The following RIMBP2 variants were observed in gnomAD, a reference collection of about 807,000 sequenced individuals.
The protein encoded by RIMBP2 is RIMS-binding protein 2.
RIMBP2 carries 48 observed loss-of-function variants against 118.6 expected under a neutral mutation model. The ratio of observed to expected loss-of-function variants is 0.40; its 90% confidence interval spans 0.32 to 0.51. The LOEUF is 0.51. Among genes scored for constraint, RIMBP2 ranks in the 20% least tolerant of loss-of-function variants. The pLI, the probability that RIMBP2 is intolerant of heterozygous loss-of-function variation, is 0.41. For missense variants in RIMBP2, 1,551 were observed against 1,768.3 expected (o/e 0.88, Z 2.20); for synonymous variants, 762 against 742.9 (o/e 1.03, Z -0.42).
At chr12:130,685,604 G>T (rs940261155) in intron 1 of RIMBP2, among the ~76,000 whole-genome samples, 10 of 152,274 alleles carry the variant, frequency 6.6e-5, no homozygotes, top group African/African-American at 2.2e-4. Context: ...CAGGAAGGGA[G>T]CCGTGTGGCC....
In RIMBP2 at chr12:130,704,090, G is replaced by T. The variant is rs147101223; in HGVS notation, c.-352+12132C>A. Among the ~76,000 whole-genome samples, 422 of 152,266 alleles carry T rather than the reference G, an allele frequency of 2.8e-3. 1 individual carries two copies. Among genetic ancestry groups the T allele is most frequent in the African/African-American group, 9.6e-3 (398 of 41,552 alleles). Reference sequence around the variant, plus strand: ...AAACCTCAGTTTCATCTGGAAAGCAGCTGGGGAAGCACCCCATGGCCAGGT... The same window carrying T: ...AAACCTCAGTTTCATCTGGAAAGCATCTGGGGAAGCACCCCATGGCCAGGT... On this transcript the variant is annotated intron_variant, in intron 1 of 22. Coordinates refer to ENST00000690449, the MANE Select transcript of RIMBP2 (RefSeq NM_001393629.1).
intron 2 of RIMBP2, among the ~76,000 whole-genome samples, chr12:130,606,054 C>T (rs1289340290): frequency 6.7e-6 from 1 of 149,552 alleles, no homozygotes; most frequent in Non-Finnish European, 1.5e-5. Context: ...GGAGATAGAG[C>T]GAGACTGTCT....
intron 11 of RIMBP2, among the ~76,000 whole-genome samples, chr12:130,441,402 A>AATAATAATC (rs1555251133): frequency 1.6e-4 from 6 of 37,938 alleles, no homozygotes; most frequent in Middle Eastern, 0.011. Context: ...CTCCATCTCA[A>AATAATAATC]ATAATAATAA....
chr12:130,579,417 A>G lies in RIMBP2; in HGVS notation c.-217+48905T>C, dbSNP rs570677080. ...CCCTGGTAGATGACGTTTCACACCTATTGTCACAACTCGTTAGGCACGTCC... is the reference window on the plus strand; with the variant it reads ...CCCTGGTAGATGACGTTTCACACCTGTTGTCACAACTCGTTAGGCACGTCC... On this transcript the variant is annotated intron_variant, in intron 2 of 22. Transcript: ENST00000690449. 3.9e-4 allele frequency among the ~76,000 whole-genome samples: 59 copies of G among 152,128 alleles called. 4 individuals carry two copies. In the South Asian group the frequency reaches 5.6e-3, roughly 14 times the overall value.
intron 2 of RIMBP2, among the ~76,000 whole-genome samples, chr12:130,624,972 G>A (rs991661095): frequency 2.6e-5 from 4 of 152,164 alleles, no homozygotes; most frequent in South Asian, 2.1e-4. Context: ...ATCCGCCCAC[G>A]TCGGCCTCCC....
At chr12:130,412,540 T>C (rs944303929) in intron 19 of RIMBP2, 79 bp downstream of exon 19, 1 of 1,342,874 alleles carries the variant, frequency 7.4e-7, no homozygotes, top group Non-Finnish European at 1.0e-6. Flanking sequence ...GGTCTCCTCA[T>C]CACCGCCTGC....
chr12:130,469,639 G>A lies in RIMBP2; in HGVS notation c.153+1054C>T, dbSNP rs943759197. On this transcript the variant is annotated intron_variant, in intron 6 of 22. Coordinates refer to ENST00000690449, the MANE Select transcript of RIMBP2 (RefSeq NM_001393629.1). The surrounding 1 kb of genome is among the most constrained non-coding windows in gnomAD (Gnocchi z 4.8). ...TCAGAAAATCCATTTTAATATATAG[G>A]ATGATAATGATGAAACCTTTTCCTG... is the stretch of plus-strand genomic sequence containing the variant. Among the ~76,000 whole-genome samples, 2 of 152,094 alleles carry A rather than the reference G, an allele frequency of 1.3e-5. No homozygotes were observed. The highest frequency in any genetic ancestry group is 4.8e-5 in the African/African-American group (2 of 41,390).
At chr12:130,547,782 G>A (rs1041350456) in intron 2 of RIMBP2, among the ~76,000 whole-genome samples, 20 of 152,178 alleles carry the variant, frequency 1.3e-4, no homozygotes, top group Non-Finnish European at 2.5e-4. Flanking sequence ...AACTGCCTAC[G>A]CTCGTTCCCA....
intron 2 of RIMBP2, among the ~76,000 whole-genome samples, chr12:130,543,417 G>A (rs1361773827): frequency 2.0e-5 from 3 of 152,098 alleles, no homozygotes; most frequent in African/African-American, 7.2e-5. Context: ...AAGGAAATGG[G>A]AGTTGTCATT....
chr12:130,423,395 C>T (rs1455799725), intron 16 of RIMBP2, among the ~76,000 whole-genome samples: 1 of 152,184 alleles, frequency 6.6e-6, no homozygotes, highest in Non-Finnish European at 1.5e-5. Context: ...AAGCACACGG[C>T]CTCAGACCCA....
At chr12:130,414,432 T>A in intron 17 of RIMBP2, 126 bp from the exon 18 acceptor site, 1 of 912,558 alleles carries the variant, frequency 1.1e-6, no homozygotes, top group Non-Finnish European at 1.6e-6. Flanking sequence ...TTTTTGTGTC[T>A]TAACATGTAG....
rs1188460534 is a variant in RIMBP2 at position 130,434,463 on chromosome 12, C to T, written c.2253+271G>A. Among the ~76,000 whole-genome samples the T allele has an allele frequency of 1.3e-5, 2 of 152,178 alleles. No individual in the cohort carries two copies. On this transcript the variant is annotated intron_variant, in intron 14 of 22. Transcript: ENST00000690449. The surrounding 1 kb of genome is among the most constrained non-coding windows in gnomAD (Gnocchi z 5.7). ...CTAACCCTACCCGGACCTGCAAAAC[C>T]ACCCCTATGACCGAATACCAGGATG...
intron 4 of RIMBP2, among the ~76,000 whole-genome samples, chr12:130,502,069 T>C (rs952105544): frequency 3.9e-5 from 6 of 152,176 alleles, no homozygotes; most frequent in African/African-American, 1.4e-4. Context: ...GGCCCAACTG[T>C]ACCCTGGCCA....
At chr12:130,618,784 T>C (rs540792466) in intron 2 of RIMBP2, among the ~76,000 whole-genome samples, 1 of 152,274 alleles carries the variant, frequency 6.6e-6, no homozygotes, top group East Asian at 1.9e-4. Flanking sequence ...GCAATGTAAA[T>C]GGGAGACTGT....
intron 2 of RIMBP2, among the ~76,000 whole-genome samples, chr12:130,539,494 G>A (rs759874756): frequency 6.6e-5 from 10 of 152,240 alleles, no homozygotes; most frequent in African/African-American, 1.9e-4. Flanking sequence ...ACATGGTAAC[G>A]TGGAGCAAGC....
At chr12:130,416,669 G>A (rs2076117484) in intron 17 of RIMBP2, among the ~76,000 whole-genome samples, 1 of 152,252 alleles carries the variant, frequency 6.6e-6, no homozygotes, top group Non-Finnish European at 1.5e-5. Context: ...CCTTGGCAAA[G>A]AATTATGACT....
At chr12:130,421,689 A>ATGTGTGTGTGTGTGTGTGTGTG (rs1336875443) in intron 17 of RIMBP2, among the ~76,000 whole-genome samples, 14 of 106,954 alleles carry the variant, frequency 1.3e-4, no homozygotes, top group African/African-American at 1.6e-4. Flanking sequence ...CCCTGCATTT[A>ATGTGTGTGTGTGTGTGTGTGTG]TATGTGTGTG....
chr12:130,553,414 T>G (rs933148325), intron 2 of RIMBP2, among the ~76,000 whole-genome samples: 3 of 152,198 alleles, frequency 2.0e-5, no homozygotes, highest in African/African-American at 7.2e-5. Flanking sequence ...TATCATCCCT[T>G]ATATATCAAT....
At position 130,420,105 on chromosome 12, in the gene RIMBP2, A is replaced by G. The variant is rs2076322734; in HGVS notation, c.3238+2348T>C. Among the ~76,000 whole-genome samples the G allele has an allele frequency of 6.6e-6, 1 of 152,248 alleles. No individual in the cohort carries two copies. The highest frequency in any genetic ancestry group is 6.5e-5 in the Admixed American group (1 of 15,292). ...GTATTTTCACAAGAAAAATAGAAGT[A>G]AATGACAACTAGAGGAATATCCTGT... On this transcript the variant is annotated intron_variant, in intron 17 of 22. Transcript: ENST00000690449. The surrounding 1 kb of genome is among the most constrained non-coding windows in gnomAD (Gnocchi z 4.3).
Sources: gnomAD v4.1 joint callset for allele counts (sites outside exome capture counted in the v4.1 genomes callset) on GRCh38, gnomAD v4.1.1 for gene constraint, Gnocchi (gnomAD v3.1) non-coding constraint, MANE v1.5 for transcripts, NCBI Gene and HGNC (gene_info 2026-07-23, HGNC 2026-07-21) for gene names.